LINGO2: variants seen among roughly 807,000 people sequenced by gnomAD.
The protein encoded by LINGO2 is leucine-rich repeat and immunoglobulin-like domain-containing nogo receptor-interacting protein 2.
LINGO2 carries 14 observed loss-of-function variants against 30.6 expected under a neutral mutation model. The observed-to-expected ratio is 0.46, with a 90% CI of 0.30 to 0.72. LINGO2 has a LOEUF of 0.72. Ranked by LOEUF, LINGO2 falls within the 30% of genes least tolerant of loss-of-function variation. LINGO2 has a pLI of 0.07. For synonymous variants in LINGO2, 317 were observed against 288.5 expected, an observed-to-expected ratio of 1.10 and a Z score of -1.00; for missense variants, 729 against 751.7, an observed-to-expected ratio of 0.97 and a Z score of 0.35.
At chr9:28,097,000 T>A (rs1826261615) in intron 4 of LINGO2, among the ~76,000 whole-genome samples, 1 of 151,950 alleles carries the variant, frequency 6.6e-6, no homozygotes, top group African/African-American at 2.4e-5. Context: ...TAAAAATAAT[T>A]GTTTTGCCTA....
chr9:27,982,025 A>C (rs1301768184), intron 5 of LINGO2, among the ~76,000 whole-genome samples: 1 of 151,878 alleles, frequency 6.6e-6, no homozygotes, highest in Non-Finnish European at 1.5e-5. Flanking sequence ...TCTTGTGTTT[A>C]ATCTACAGAG....
intron 3 of LINGO2, among the ~76,000 whole-genome samples, chr9:28,363,476 A>G (rs1487177488): frequency 6.6e-6 from 1 of 152,190 alleles, no homozygotes; most frequent in Admixed American, 6.5e-5. Context: ...GGCCCCTGAT[A>G]ATAAGCCTTC....
chr9:28,877,078 A>G, the LINGO2 span, among the ~76,000 whole-genome samples: 2 of 146,924 alleles, frequency 1.4e-5, no homozygotes, highest in African/African-American at 2.5e-5. Context: ...CATGTCCTTC[A>G]CCCACTTTTT....
chr9:28,282,290 A>G (rs1460423798), intron 4 of LINGO2, among the ~76,000 whole-genome samples: 1 of 152,132 alleles, frequency 6.6e-6, no homozygotes, highest in Middle Eastern at 3.2e-3. Flanking sequence ...CACTGATACA[A>G]TGATAAGTGA....
intron 2 of LINGO2, among the ~76,000 whole-genome samples, chr9:28,395,894 C>A (rs1041531242): frequency 6.6e-6 from 1 of 152,094 alleles, no homozygotes; most frequent in Non-Finnish European, 1.5e-5. Flanking sequence ...ATTTCAGCAA[C>A]CTTTTTCTGT....
chr9:28,956,504 C>CCACACTGGTATTTCCCAGCACAA, the LINGO2 span, among the ~76,000 whole-genome samples: 1 of 151,970 alleles, frequency 6.6e-6, no homozygotes, highest in Middle Eastern at 3.2e-3. Flanking sequence ...CAGACTATTC[C>CCACACTGGTATTTCCCAGCACAA]GTATAATGCT....
At chr9:28,077,052 A>G (rs895620420) in intron 4 of LINGO2, among the ~76,000 whole-genome samples, 2 of 152,158 alleles carry the variant, frequency 1.3e-5, no homozygotes, top group African/African-American at 2.4e-5. Flanking sequence ...GACTTAATGA[A>G]GTTTGACTGC....
chr9:29,157,433 T>C, the LINGO2 span, among the ~76,000 whole-genome samples: 2 of 152,264 alleles, frequency 1.3e-5, no homozygotes, highest in African/African-American at 2.4e-5. Context: ...AAACAAAATA[T>C]ATTAACTCCA....
chr9:28,528,643 T>C (rs1489619670), intron 1 of LINGO2, among the ~76,000 whole-genome samples: 1 of 152,148 alleles, frequency 6.6e-6, no homozygotes, highest in Non-Finnish European at 1.5e-5. Context: ...TACTACATAA[T>C]TGTCTTTGAA....
the LINGO2 span, among the ~76,000 whole-genome samples, chr9:28,990,177 A>T: frequency 0.52 from 78,319 of 152,022 alleles, 21,289 homozygotes; most frequent in Non-Finnish European, 0.6. Context: ...TGACAGGATT[A>T]AAAAAAGGCA....
intron 4 of LINGO2, among the ~76,000 whole-genome samples, chr9:28,228,439 T>C (rs1356180198): frequency 6.6e-6 from 1 of 152,042 alleles, no homozygotes; most frequent in African/African-American, 2.4e-5. Context: ...CTCATACATA[T>C]CTTTCTTCCT....
At chr9:28,860,985 T>A in the LINGO2 span, among the ~76,000 whole-genome samples, 1 of 123,888 alleles carries the variant, frequency 8.1e-6, no homozygotes, top group Non-Finnish European at 1.6e-5. Context: ...TATAAATCTA[T>A]AATATATTAT....
At chr9:29,049,086 C>T in the LINGO2 span, among the ~76,000 whole-genome samples, 6 of 151,896 alleles carry the variant, frequency 4.0e-5, no homozygotes, top group Non-Finnish European at 8.8e-5. Flanking sequence ...GATTAATAAC[C>T]CAGAATATAC....
At chr9:28,899,832 A>C in the LINGO2 span, among the ~76,000 whole-genome samples, 2 of 152,074 alleles carry the variant, frequency 1.3e-5, no homozygotes, top group African/African-American at 4.8e-5. Context: ...CTGTTGCCCC[A>C]TCGTCCAAGG....
At chr9:29,203,211 A>G in the LINGO2 span, among the ~76,000 whole-genome samples, 2 of 152,180 alleles carry the variant, frequency 1.3e-5, no homozygotes, top group African/African-American at 4.8e-5. Flanking sequence ...GTAATGGACT[A>G]CCATCAATCT....
At chr9:29,153,752 T>A in the LINGO2 span, among the ~76,000 whole-genome samples, 1 of 152,220 alleles carries the variant, frequency 6.6e-6, no homozygotes, top group Non-Finnish European at 1.5e-5. Flanking sequence ...AAACTGGTAA[T>A]ACTGAAATCA....
At chr9:28,109,206 TA>T (rs1261906032) in intron 4 of LINGO2, among the ~76,000 whole-genome samples, 1 of 152,190 alleles carries the variant, frequency 6.6e-6, no homozygotes, top group Admixed American at 6.5e-5. Flanking sequence ...CCCTTCATGT[TA>T]AAAACACTCA....
chr9:28,069,842 C>G (rs1031391414), intron 4 of LINGO2, among the ~76,000 whole-genome samples: 1 of 152,170 alleles, frequency 6.6e-6, no homozygotes, highest in Non-Finnish European at 1.5e-5. Context: ...CAGAGATTAA[C>G]AGTGAGGCCA....
chr9:28,199,643 T>C (rs963336700), intron 4 of LINGO2, among the ~76,000 whole-genome samples: 1 of 152,116 alleles, frequency 6.6e-6, no homozygotes, highest in Non-Finnish European at 1.5e-5. Context: ...TGGCCCCTTC[T>C]TCATTTTTAG....
Sources: allele counts gnomAD v4.1 joint callset (sites outside exome capture counted in the v4.1 genomes callset), GRCh38; gene constraint gnomAD v4.1.1; transcripts MANE v1.5; gene names NCBI Gene and HGNC (gene_info 2026-07-23, HGNC 2026-07-21).